The following CYP20A1 variants were observed in gnomAD, a reference collection of about 807,000 sequenced individuals.
CYP20A1 encodes cytochrome P450 family 20 subfamily A member 1, also known as cytochrome P450 20A1.
CYP20A1 carries 61 observed loss-of-function variants against 61.4 expected under a neutral mutation model. The observed-to-expected ratio is 0.99, with a 90% CI of 0.81 to 1.23. The LOEUF is 1.23. Among genes scored for constraint, CYP20A1 ranks in the 50% most tolerant of loss-of-function variants. The pLI is 0.00. For missense variants in CYP20A1, 530 were observed against 542.4 expected, an observed-to-expected ratio of 0.98 and a Z score of 0.23; for synonymous variants, 193 against 188.2, an observed-to-expected ratio of 1.03 and a Z score of -0.21.
At chr2:203,251,333 A>G (rs556766273) in intron 3 of CYP20A1, among the ~76,000 whole-genome samples, 1 of 151,786 alleles carries the variant, frequency 6.6e-6, no homozygotes, top group Non-Finnish European at 1.5e-5. Flanking sequence ...AATCAGGGGA[A>G]TGTGCTTTTT....
At chr2:203,293,257 C>T (rs1172853948) in intron 11 of CYP20A1, among the ~76,000 whole-genome samples, 1 of 145,926 alleles carries the variant, frequency 6.9e-6, no homozygotes, top group African/African-American at 2.5e-5. Flanking sequence ...GCTCTGTCGC[C>T]CAGGCTGGAG....
chr2:203,252,039 A>G lies in CYP20A1; in HGVS notation c.362A>G (p.His121Arg). The stretch of plus-strand genomic sequence containing the variant: ...GGTGGTGGCAGTGTGAGTGAAAACC[A>G]CATGAGGAAAAAATTGTATGAAAAT... ...QSGGGSVSEN[H>R]MRKKLYENGV... The change falls in exon 4 of 13, where the codon CAC (histidine) becomes CGC (arginine). Residue 121 changes from histidine to arginine, a missense_variant. By Grantham distance (29) the His-to-Arg change is conservative. Transcript: ENST00000356079. 2 of 1,611,578 alleles carry G rather than the reference A, an allele frequency of 1.2e-6. No homozygotes were observed. Among genetic ancestry groups the G allele is most frequent in the Non-Finnish European group, 1.7e-6 (2 of 1,178,828 alleles).
chr2:203,247,895 C>G (rs1489428452), intron 3 of CYP20A1, among the ~76,000 whole-genome samples: 1 of 151,682 alleles, frequency 6.6e-6, no homozygotes, highest in Non-Finnish European at 1.5e-5. Context: ...ATACTTGTAC[C>G]ATCAGTTAGT....
At chr2:203,257,558 C>T (rs747950011) in intron 4 of CYP20A1, among the ~76,000 whole-genome samples, 20 of 151,734 alleles carry the variant, frequency 1.3e-4, no homozygotes, top group East Asian at 5.8e-4. Context: ...GGGGGGCCGA[C>T]GCAGGTGGAT....
At chr2:203,287,999 C>CT (rs1376791921) in intron 9 of CYP20A1, among the ~76,000 whole-genome samples, 24 of 67,070 alleles carry the variant, frequency 3.6e-4, no homozygotes, top group Admixed American at 7.4e-4. Flanking sequence ...TTTTTCTTTT[C>CT]TTTTTTTTTT....
rs1348428197 is a variant in CYP20A1 at position 203,285,630 on chromosome 2, G to GT, written c.875dup (p.Leu292PhefsTer5). 1.3e-6 allele frequency: 2 copies of GT among 1,591,050 alleles called. No individual in the cohort carries two copies. The highest frequency in any genetic ancestry group is 1.7e-6 in the Non-Finnish European group (2 of 1,174,332). On this transcript the variant is annotated frameshift_variant, in exon 9 of 13. Coordinates refer to ENST00000356079, the MANE Select transcript of CYP20A1 (RefSeq NM_177538.3). LOFTEE classifies it high-confidence loss of function. Reference sequence around the variant, plus strand: ...GACCTAGTGTGTACCTGGGCAATCTGTTTTTTAACCACCTCTGAAGAAGTT... The same window carrying GT: ...GACCTAGTGTGTACCTGGGCAATCTGTTTTTTTAACCACCTCTGAAGAAGTT...
At chr2:203,283,831 G>A (rs2068150544) in intron 8 of CYP20A1, among the ~76,000 whole-genome samples, 1 of 152,096 alleles carries the variant, frequency 6.6e-6, no homozygotes, top group East Asian at 1.9e-4. Context: ...ACAGGTGTGA[G>A]CCACTGCATC....
chr2:203,257,795 G>GA lies in CYP20A1; in HGVS notation c.432+5697dup, dbSNP rs75425295. Among the ~76,000 whole-genome samples the GA allele has an allele frequency of 5.9e-3, 837 of 141,120 alleles. 4 individuals carry two copies. The highest frequency in any genetic ancestry group is 0.012 in the Admixed American group (170 of 14,232). 92.6% of individuals were successfully genotyped at this position (141,120 alleles called of 152,430 possible). ...CAGTGCATGGACTCCATCTCAAAAA[G>GA]AAAAAAAAAAATGTGGTTACTTAGT... On this transcript the variant is annotated intron_variant, in intron 4 of 12. Coordinates refer to ENST00000356079, the MANE Select transcript of CYP20A1 (RefSeq NM_177538.3).
chr2:203,269,254 C>T (rs2067457977), intron 5 of CYP20A1, among the ~76,000 whole-genome samples: 1 of 149,844 alleles, frequency 6.7e-6, no homozygotes, highest in African/African-American at 2.4e-5. Flanking sequence ...CCAGCCTGGG[C>T]AACACAGTGA....
At chr2:203,246,450 T>A (rs2066461679) in intron 2 of CYP20A1, among the ~76,000 whole-genome samples, 1 of 152,232 alleles carries the variant, frequency 6.6e-6, no homozygotes, top group South Asian at 2.1e-4. Flanking sequence ...TCCATTGTCA[T>A]CTCAGAATTA....
chr2:203,288,750 GCTT>G (rs1359693429), intron 9 of CYP20A1, among the ~76,000 whole-genome samples: 1 of 152,214 alleles, frequency 6.6e-6, no homozygotes, highest in Non-Finnish European at 1.5e-5. Context: ...CTAGAAGTGA[GCTT>G]CTAGTTGAAG....
chr2:203,244,246 G>A (rs2066368738), intron 1 of CYP20A1, among the ~76,000 whole-genome samples: 1 of 151,870 alleles, frequency 6.6e-6, no homozygotes. Flanking sequence ...CTGTCATCCA[G>A]GCTGAAGTGC....
intron 4 of CYP20A1, among the ~76,000 whole-genome samples, chr2:203,254,364 A>G (rs1354589336): frequency 3.9e-5 from 6 of 152,008 alleles, no homozygotes; most frequent in Non-Finnish European, 8.8e-5. Context: ...GCCTAATATG[A>G]TGAAACCCTA....
intron 5 of CYP20A1, 41 bp downstream of exon 5, chr2:203,266,722 G>A: frequency 2.5e-6 from 4 of 1,572,678 alleles, no homozygotes; most frequent in Non-Finnish European, 3.5e-6. Flanking sequence ...TTTCAGGCTG[G>A]GCACGGCAGC....
At chr2:203,246,239 C>A (rs538549147) in intron 2 of CYP20A1, among the ~76,000 whole-genome samples, 137 of 152,328 alleles carry the variant, frequency 9.0e-4, no homozygotes, top group Non-Finnish European at 1.5e-3. Flanking sequence ...TCATCTTATT[C>A]AATTCAATTC....
chr2:203,301,252 CTTTT>C lies in CYP20A1; in HGVS notation c.*4345_*4348del, dbSNP rs1190391946. On this transcript the variant is annotated 3_prime_UTR_variant, in exon 13 of 13. Coordinates refer to ENST00000356079, the MANE Select transcript of CYP20A1 (RefSeq NM_177538.3). ...TTTTTTCTTTTTCTTTTCTTTCTTT[CTTTT>C]CTTTTCTTTTTTTTTTTTGAGGCAC... Among the ~76,000 whole-genome samples, 1 of 144,210 alleles carries C rather than the reference CTTTT, an allele frequency of 6.9e-6. No individual in the cohort carries two copies. The highest frequency in any genetic ancestry group is 1.5e-5 in the Non-Finnish European group (1 of 65,732). The allele number at this position is 144,210 out of a possible 152,430, so 94.6% of individuals were successfully genotyped here. A position where few individuals can be genotyped will look rare whatever the true frequency, so the allele number is the denominator to read the frequency against.
chr2:203,287,917 CTTTAG>C (rs1393123401), intron 9 of CYP20A1, among the ~76,000 whole-genome samples: 2 of 150,860 alleles, frequency 1.3e-5, no homozygotes, highest in Non-Finnish European at 2.9e-5. Context: ...TTCGTCTCTT[CTTTAG>C]TTAAGTCCGG....
intron 4 of CYP20A1, among the ~76,000 whole-genome samples, chr2:203,263,589 G>C (rs1407441783): frequency 1.3e-5 from 2 of 152,094 alleles, no homozygotes; most frequent in African/African-American, 4.8e-5. Flanking sequence ...CTCCCGGCCC[G>C]TATGCAAGTT....
At chr2:203,243,302 G>A (rs1016126552) in intron 1 of CYP20A1, among the ~76,000 whole-genome samples, 4 of 151,910 alleles carry the variant, frequency 2.6e-5, no homozygotes, top group African/African-American at 9.7e-5. Context: ...TGCCACCACA[G>A]TTGGCTAATT....
Sources: allele counts gnomAD v4.1 joint callset (sites outside exome capture counted in the v4.1 genomes callset), GRCh38; gene constraint gnomAD v4.1.1; transcripts MANE v1.5; gene names NCBI Gene and HGNC (gene_info 2026-07-23, HGNC 2026-07-21).